MAEL: variants seen among roughly 807,000 people sequenced by gnomAD.
The protein encoded by MAEL is maelstrom spermatogenic transposon silencer, also known as protein maelstrom homolog.
Under a neutral mutation model 62.0 loss-of-function variants are expected in MAEL, and 46 were observed. The observed-to-expected ratio is 0.74, with a 90% CI of 0.59 to 0.95. The LOEUF is 0.95. Among genes scored for constraint, MAEL ranks in the 40% least tolerant of loss-of-function variants. The pLI is 0.00. For missense variants in MAEL, 497 were observed against 526.8 expected (o/e 0.94, Z 0.55); for synonymous variants, 172 against 175.5 (o/e 0.98, Z 0.16).
Position 167,021,932 on chromosome 1 carries a change from A to C in MAEL, c.*77A>C. 22 of 846,868 alleles carry C rather than the reference A, an allele frequency of 2.6e-5. No homozygotes were observed. The highest frequency in any genetic ancestry group is 3.8e-5 in the Non-Finnish European group (21 of 557,644). 52.5% of individuals were successfully genotyped at this position (846,868 alleles called of 1,614,324 possible). A position where few individuals can be genotyped will look rare whatever the true frequency, so the allele number is the denominator to read the frequency against. On this transcript the variant is annotated 3_prime_UTR_variant, in exon 12 of 12. Transcript: ENST00000367872. ...TTACTACAGTCATATTAAACAGATC[A>C]CATCAATGACAAATGTCACTACTAT...
intron 1 of MAEL, among the ~76,000 whole-genome samples, chr1:166,981,409 A>G (rs1480213540): frequency 6.6e-6 from 1 of 152,220 alleles, no homozygotes; most frequent in Non-Finnish European, 1.5e-5. Context: ...TCTAGAAATT[A>G]AAAACGAATA....
intron 8 of MAEL, among the ~76,000 whole-genome samples, chr1:167,006,621 A>AC (rs1664915269): frequency 2.4e-5 from 2 of 84,308 alleles, no homozygotes; most frequent in African/African-American, 5.2e-5. Flanking sequence ...ATATATATAT[A>AC]TATATATATA....
intron 8 of MAEL, among the ~76,000 whole-genome samples, chr1:167,011,051 C>G (rs1665152192): frequency 6.6e-6 from 1 of 151,866 alleles, no homozygotes; most frequent in African/African-American, 2.4e-5. Flanking sequence ...CTTCCTCTTT[C>G]ACTTAGCATG....
intron 5 of MAEL, among the ~76,000 whole-genome samples, chr1:166,995,673 A>G (rs1664395416): frequency 7.8e-6 from 1 of 128,774 alleles, no homozygotes; most frequent in African/African-American, 3.4e-5. Flanking sequence ...ACTAGATGGC[A>G]GTTAAAAAAA....
chr1:166,988,147 G>T (rs1663983707), upstream of MAEL, among the ~76,000 whole-genome samples: 1 of 151,974 alleles, frequency 6.6e-6, no homozygotes, highest in African/African-American at 2.4e-5. Flanking sequence ...CCAGAAGTGT[G>T]AGACCAGCCT....
At chr1:167,010,098 G>C (rs550739527) in intron 8 of MAEL, among the ~76,000 whole-genome samples, 1 of 152,098 alleles carries the variant, frequency 6.6e-6, no homozygotes, top group Non-Finnish European at 1.5e-5. Context: ...GGATCATGGC[G>C]GTTCCCCCAT....
chr1:167,009,720 C>A (rs984628778), intron 8 of MAEL, among the ~76,000 whole-genome samples: 2 of 151,680 alleles, frequency 1.3e-5, no homozygotes, highest in African/African-American at 4.8e-5. Context: ...TTTTTCTGAC[C>A]CTTTTTACTT....
rs1322411559 is a variant in MAEL, at chr1:167,006,618, T to C, written c.845+1221T>C. Among the ~76,000 whole-genome samples, 443 of 98,250 alleles carry C rather than the reference T, an allele frequency of 4.5e-3. 14 individuals are homozygous for C. Among genetic ancestry groups the C allele is most frequent in the South Asian group, 5.4e-3 (17 of 3,172 alleles). The allele number at this position is 98,250 out of a possible 152,430, so 64.5% of individuals were successfully genotyped here. The stretch of plus-strand genomic sequence containing the variant: ...GTTTTTTACTATATATATATATATA[T>C]ATATATATATATATATATACATTTT... On this transcript the variant is annotated intron_variant, in intron 8 of 11. Transcript: ENST00000367872.
At chr1:166,977,732 T>C (rs1285037035) in intron 1 of MAEL, among the ~76,000 whole-genome samples, 1 of 152,152 alleles carries the variant, frequency 6.6e-6, no homozygotes, top group Non-Finnish European at 1.5e-5. Flanking sequence ...GGTGGGCGGA[T>C]TGCTTGAGCT....
chr1:167,011,058 C>T (rs1665152314), intron 8 of MAEL, among the ~76,000 whole-genome samples: 1 of 151,994 alleles, frequency 6.6e-6, no homozygotes, highest in Admixed American at 6.6e-5. Flanking sequence ...TTTCACTTAG[C>T]ATGGCACTTG....
At position 166,989,740 on chromosome 1, in the gene MAEL, C is replaced by G; in HGVS notation, c.136C>G (p.Leu46Val). ...TTGCTCCTTCAATCCCCAAAAGCTT[C>G]TGAGGGAGGAAGAAAAGGAGAAATA... ...IPYCSSDWAL[L>V]REEEKEKYAE... Residue 46 changes from leucine (L) to valine (V), a missense_variant, in exon 2 of 12, where the codon CTG becomes GTG. Leu to Val is a conservative substitution (Grantham distance 32). Coordinates refer to ENST00000367872, the MANE Select transcript of MAEL (RefSeq NM_032858.3). The G allele has an allele frequency of 6.2e-7, 1 of 1,613,594 alleles. No individual in the cohort carries two copies. Among genetic ancestry groups the G allele is most frequent in the Non-Finnish European group, 8.5e-7 (1 of 1,179,852 alleles).
chr1:166,980,505 C>T (rs1372441263), intron 1 of MAEL, among the ~76,000 whole-genome samples: 1 of 152,138 alleles, frequency 6.6e-6, no homozygotes, highest in Non-Finnish European at 1.5e-5. Context: ...GTATCTTCAG[C>T]CAGATACAAA....
chr1:166,986,793 G>A (rs551969648), upstream of MAEL, among the ~76,000 whole-genome samples: 2 of 152,142 alleles, frequency 1.3e-5, no homozygotes, highest in Non-Finnish European at 2.9e-5. Context: ...TAAACTTAAG[G>A]CAGAAAAGTG....
chr1:167,007,227 T>G (rs1262085388), intron 8 of MAEL, among the ~76,000 whole-genome samples: 1 of 152,174 alleles, frequency 6.6e-6, no homozygotes, highest in East Asian at 1.9e-4. Context: ...CATTTTAATC[T>G]ATTATTGTAA....
Position 167,007,408 on chromosome 1 carries a change from C to A in MAEL, c.845+2011C>A, listed in dbSNP as rs560077421. Reference sequence around the variant, plus strand: ...ATCTTGTACTTTCTTTGTTCCAGCCCTGGATTAGCCATTTCTCCCAAGAAT... The same window carrying A: ...ATCTTGTACTTTCTTTGTTCCAGCCATGGATTAGCCATTTCTCCCAAGAAT... On this transcript the variant is annotated intron_variant, in intron 8 of 11. Transcript: ENST00000367872. 3.3e-5 allele frequency among the ~76,000 whole-genome samples: 5 copies of A among 152,196 alleles called. No individual in the cohort carries two copies. The South Asian group carries it at 1.0e-3, about 32-fold the overall frequency.
intron 8 of MAEL, among the ~76,000 whole-genome samples, chr1:167,007,557 T>TTGTGTGTGTGTG (rs71073634): frequency 3.1e-5 from 4 of 128,410 alleles, no homozygotes; most frequent in East Asian, 2.2e-4. Flanking sequence ...AAATATATGT[T>TTGTGTGTGTGTG]TGTGTGTGTG....
chr1:167,012,152 T>C (rs1665194267), intron 8 of MAEL, among the ~76,000 whole-genome samples: 1 of 152,186 alleles, frequency 6.6e-6, no homozygotes, highest in Admixed American at 6.5e-5. Context: ...TATAAGCAAA[T>C]GAAACTTATT....
chr1:167,005,038 G>GT, intron 6 of MAEL, 38 bp from the exon 7 acceptor site: 1 of 1,596,998 alleles, frequency 6.3e-7, no homozygotes, highest in Non-Finnish European at 8.6e-7. Flanking sequence ...GATACAAGTA[G>GT]TTTTTTTGTT....
chr1:166,994,130 T>C, intron 5 of MAEL, 61 bp downstream of exon 5: 1 of 1,392,858 alleles, frequency 7.2e-7, no homozygotes, highest in Non-Finnish European at 1.0e-6. Context: ...TGGTTAGACT[T>C]ATTCCTTTTA....
Sources: allele counts gnomAD v4.1 joint callset (sites outside exome capture counted in the v4.1 genomes callset), GRCh38; gene constraint gnomAD v4.1.1; transcripts MANE v1.5; gene names NCBI Gene and HGNC (gene_info 2026-07-23, HGNC 2026-07-21).